L3MBTL2: variants seen among roughly 807,000 people sequenced by gnomAD.
L3MBTL2 encodes the protein lethal(3)malignant brain tumor-like protein 2.
A neutral mutation model predicts 86.4 loss-of-function variants in L3MBTL2; 49 were observed. The observed-to-expected ratio is 0.57, with a 90% confidence interval of 0.45 to 0.72. The LOEUF (loss-of-function observed/expected upper bound fraction) is 0.72. Among genes scored for constraint, L3MBTL2 ranks in the 30% least tolerant of loss-of-function variants. The pLI is 0.00. For synonymous variants in L3MBTL2, 336 were observed against 350.6 expected (o/e 0.96, Z 0.47); for missense variants, 755 against 923.7 (o/e 0.82, Z 2.37).
rs2032287113 is a variant in L3MBTL2, at chr22:41,227,747, C to T, written c.1823-57C>T. On this transcript the variant is annotated intron_variant, in intron 14 of 16. Transcript: ENST00000216237. The surrounding 1 kb of genome is among the most constrained non-coding windows in gnomAD (Gnocchi z 6.0). ...TGGGGTCTCGGGATGCGCCTGTGCC[C>T]TGTGTCCTCCCAGGGACCCTCTTCT... is the stretch of plus-strand genomic sequence containing the variant. 1.2e-6 allele frequency: 2 copies of T among 1,612,100 alleles called. No homozygotes were observed. Among genetic ancestry groups the T allele is most frequent in the Non-Finnish European group, 8.5e-7 (1 of 1,179,024 alleles).
At chr22:41,222,045 C>T (rs185375109) in intron 8 of L3MBTL2, among the ~76,000 whole-genome samples, 87 of 152,130 alleles carry the variant, frequency 5.7e-4, no homozygotes, top group Non-Finnish European at 1.1e-3. Flanking sequence ...ATTACAGGTG[C>T]GCACACACCA....
chr22:41,222,449 T>C (rs2031890896), intron 8 of L3MBTL2, among the ~76,000 whole-genome samples: 1 of 152,206 alleles, frequency 6.6e-6, no homozygotes, highest in African/African-American at 2.4e-5. Context: ...TGGCATTTAA[T>C]TTTAAGAAAT....
chr22:41,227,558 T>G lies in L3MBTL2; in HGVS notation c.1822+235T>G. On this transcript the variant is annotated intron_variant, in intron 14 of 16. Transcript: ENST00000216237. The surrounding 1 kb of genome is among the most constrained non-coding windows in gnomAD (Gnocchi z 6.0). ...TCTTGCCCACTCTGTCATATGTTCG[T>G]GCCCTTGTGCACCCAGGTAAACTAC... 1 of 1,539,980 alleles carries G rather than the reference T, an allele frequency of 6.5e-7. No individual in the cohort carries two copies. Among genetic ancestry groups the G allele is most frequent in the Non-Finnish European group, 8.8e-7 (1 of 1,138,202 alleles).
chr22:41,224,767 TC>T lies in L3MBTL2; in HGVS notation c.1218del (p.Tyr407ThrfsTer26). 1.2e-6 allele frequency: 2 copies of T among 1,614,000 alleles called. No individual in the cohort carries two copies. Among genetic ancestry groups the T allele is most frequent in the Non-Finnish European group, 1.7e-6 (2 of 1,179,884 alleles). On this transcript the variant is annotated frameshift_variant, in exon 10 of 17. Transcript: ENST00000216237. LOFTEE classifies it high-confidence loss of function. This position sits in a 1 kb window ranked among gnomAD's most constrained non-coding sequence, Gnocchi z 4.9. ...DMAHHPTFRK[I>X]YCDAVPYLFK... is the part of the protein sequence containing the mutation. ...GCCCATCACCCCACCTTCCGGAAGA[TC>T]TACTGTGATGCCGTTCCTTACCTCT...
At chr22:41,229,721 C>G in intron 16 of L3MBTL2, 65 bp downstream of exon 16, 2 of 1,611,884 alleles carry the variant, frequency 1.2e-6, no homozygotes, top group Non-Finnish European at 1.7e-6. Context: ...CGACCCTTCT[C>G]CTTCCCCACC....
rs540345231 is a variant in L3MBTL2 at position 41,217,092 on chromosome 22, C to G, written c.521-31C>G. On this transcript the variant is annotated intron_variant, in intron 4 of 16. Coordinates refer to ENST00000216237, the MANE Select transcript of L3MBTL2 (RefSeq NM_031488.5). ...TCCTGGAGTGGCTGCTGCGCAGGCT[C>G]CTAGTCTGACTCGTCCTCTCTGCTC... 1.3e-5 allele frequency: 20 copies of G among 1,595,786 alleles called. No homozygotes were observed. In the East Asian group the frequency reaches 4.2e-4, roughly 34 times the overall value.
At chr22:41,208,722 T>C (rs189383148) in intron 1 of L3MBTL2, among the ~76,000 whole-genome samples, 1 of 152,294 alleles carries the variant, frequency 6.6e-6, no homozygotes, top group African/African-American at 2.4e-5. Flanking sequence ...GAGATCATTT[T>C]GATGTATATT....
chr22:41,226,308 A>G (rs982739609), intron 12 of L3MBTL2, among the ~76,000 whole-genome samples: 5 of 152,222 alleles, frequency 3.3e-5, no homozygotes, highest in African/African-American at 1.2e-4. Flanking sequence ...GGGTGTGGCC[A>G]CAAGCCCAGA....
Position 41,230,233 on chromosome 22 carries a change from G to C in L3MBTL2, c.2100G>C (p.Lys700Asn). 3 of 1,613,030 alleles carry C rather than the reference G, an allele frequency of 1.9e-6. No homozygotes were observed. The highest frequency in any genetic ancestry group is 2.5e-6 in the Non-Finnish European group (3 of 1,179,556). Residue 700 changes from lysine (K) to asparagine (N), a missense_variant, in exon 17 of 17, where the codon AAG (lysine) becomes AAC (asparagine). Lys to Asn is a moderately conservative substitution (Grantham distance 94, BLOSUM62 0). Coordinates refer to ENST00000216237, the MANE Select transcript of L3MBTL2 (RefSeq NM_031488.5). The stretch of plus-strand genomic sequence containing the variant: ...TGCCTGTCTCCGTCGAGAACATCAA[G>C]CAGGAAACAGACGACTGAGCCTTCC... ...PELPVSVENI[K>N]QETDD
rs527389785 is a variant in L3MBTL2 at position 41,223,787 on chromosome 22, C to T, written c.943-233C>T. 5.3e-5 allele frequency among the ~76,000 whole-genome samples: 8 copies of T among 152,348 alleles called. No individual in the cohort carries two copies. The East Asian group carries it at 5.8e-4, about 11-fold the overall frequency. On this transcript the variant is annotated intron_variant, in intron 8 of 16. Transcript: ENST00000216237. ...AAGAAGTGGCATGCCCACTGCAAGC[C>T]GTGTGCCTTCCCTCTGTGTCCTCCT...
chr22:41,216,040 A>T, intron 3 of L3MBTL2, 99 bp from the exon 4 acceptor site: 1 of 1,326,810 alleles, frequency 7.5e-7, no homozygotes, highest in Non-Finnish European at 1.0e-6. Context: ...AAAAGAGGTT[A>T]AGTCACTGGC....
chr22:41,213,341 T>C (rs2031062932), intron 2 of L3MBTL2, among the ~76,000 whole-genome samples: 1 of 152,058 alleles, frequency 6.6e-6, no homozygotes, highest in African/African-American at 2.4e-5. Context: ...TCGCTTTTTT[T>C]TGAGACAGTG....
chr22:41,209,709 C>T lies in L3MBTL2; in HGVS notation c.38C>T (p.Ser13Leu), dbSNP rs755368306. 13 of 1,614,120 alleles carry T rather than the reference C, an allele frequency of 8.1e-6. No homozygotes were observed. The highest frequency in any genetic ancestry group is 1.1e-5 in the Non-Finnish European group (13 of 1,180,002). ...ATCCTCCATTAGGAGACCCCATCTT[C>T]AGAACCAATGGAGGAAGAGGAAGAT... ...KPRSIEETPS[S>L]EPMEEEEDDD... is the part of the protein sequence containing the mutation. The change falls in exon 2 of 17, where the codon TCA (serine) becomes TTA (leucine). Residue 13 changes from serine to leucine, a missense_variant. Coordinates refer to ENST00000216237, the MANE Select transcript of L3MBTL2 (RefSeq NM_031488.5).
chr22:41,226,829 T>G (rs893598392), intron 13 of L3MBTL2, 85 bp downstream of exon 13: 13 of 1,033,820 alleles, frequency 1.3e-5, no homozygotes, highest in Non-Finnish European at 1.8e-5. Flanking sequence ...CAGTTCCTAC[T>G]CTTTCTCTCG....
chr22:41,221,068 T>C (rs2031778682), intron 7 of L3MBTL2, 131 bp from the exon 8 acceptor site: 2 of 969,036 alleles, frequency 2.1e-6, no homozygotes, highest in South Asian at 1.7e-5. Context: ...GATGAAGTCA[T>C]TGCTGGCCTG....
chr22:41,210,890 G>A (rs1047712132), intron 2 of L3MBTL2, among the ~76,000 whole-genome samples: 5 of 152,188 alleles, frequency 3.3e-5, no homozygotes, highest in Admixed American at 6.5e-5. Context: ...GATTTCCAAC[G>A]TGGATGTTGA....
intron 6 of L3MBTL2, among the ~76,000 whole-genome samples, chr22:41,220,224 G>A (rs2145595531): frequency 6.6e-6 from 1 of 152,262 alleles, no homozygotes; most frequent in East Asian, 1.9e-4. Flanking sequence ...TCATTCCAAG[G>A]ATGATCAGGT....
At position 41,229,611 on chromosome 22, in the gene L3MBTL2, C is replaced by T. The variant is rs780008490; in HGVS notation, c.1960C>T (p.Pro654Ser). 5 of 1,613,894 alleles carry T rather than the reference C, an allele frequency of 3.1e-6. No individual in the cohort carries two copies. The South Asian group carries it at 5.5e-5, about 18-fold the overall frequency. ...GSKKPLLEDD[P>S]QGARKISSEP... is the part of the protein sequence containing the mutation. ...CAAGAAGCCCCTGCTGGAGGACGAC[C>T]CTCAGGGTGCCAGGAAGATCTCGTC... The change falls in exon 16 of 17, where the codon CCT becomes TCT. Residue 654 changes from proline to serine, a missense_variant. Pro to Ser is a moderately conservative substitution (Grantham distance 74). Coordinates refer to ENST00000216237, the MANE Select transcript of L3MBTL2 (RefSeq NM_031488.5).
Position 41,227,541 on chromosome 22 carries a change from A to T in L3MBTL2, c.1822+218A>T. 1 of 1,503,488 alleles carries T rather than the reference A, an allele frequency of 6.7e-7. No homozygotes were observed. The highest frequency in any genetic ancestry group is 9.0e-7 in the Non-Finnish European group (1 of 1,105,408). The allele number at this position is 1,503,488 out of a possible 1,614,324, so 93.1% of individuals were successfully genotyped here. A position where few individuals can be genotyped will look rare whatever the true frequency, so the allele number is the denominator to read the frequency against. On this transcript the variant is annotated intron_variant, in intron 14 of 16. Coordinates refer to ENST00000216237, the MANE Select transcript of L3MBTL2 (RefSeq NM_031488.5). The surrounding 1 kb of genome is among the most constrained non-coding windows in gnomAD (Gnocchi z 6.0). ...CAGAGCTCCTTCCTTCATCTTGCCC[A>T]CTCTGTCATATGTTCGTGCCCTTGT...
Sources: allele counts gnomAD v4.1 joint callset (sites outside exome capture counted in the v4.1 genomes callset), GRCh38; gene constraint gnomAD v4.1.1; non-coding constraint Gnocchi (gnomAD v3.1); transcripts MANE v1.5; gene names NCBI Gene and HGNC (gene_info 2026-07-23, HGNC 2026-07-21).